The following NALF1 variants were observed in gnomAD, a reference collection of about 807,000 sequenced individuals.
The protein encoded by NALF1 is NALCN channel auxiliary factor 1, also known as family with sequence similarity 155 member A.
NALF1 carries 3 observed loss-of-function variants against 48.4 expected under a neutral mutation model. The observed-to-expected ratio is 0.06, with a 90% CI of 0.03 to 0.16. The LOEUF is 0.16. Among genes scored for constraint, NALF1 ranks in the 10% least tolerant of loss-of-function variants. NALF1 has a pLI of 1.00. For synonymous variants in NALF1, 262 were observed against 245.7 expected, an observed-to-expected ratio of 1.07 and a Z score of -0.62; for missense variants, 526 against 571.5, an observed-to-expected ratio of 0.92 and a Z score of 0.81.
chr13:107,229,889 T>G (rs908924604), intron 1 of NALF1, among the ~76,000 whole-genome samples: 12 of 152,146 alleles, frequency 7.9e-5, no homozygotes, highest in African/African-American at 2.9e-4. Flanking sequence ...CTGGATTCCA[T>G]AGGAAGCTTC....
intron 1 of NALF1, among the ~76,000 whole-genome samples, chr13:107,416,850 T>C (rs1486445378): frequency 6.6e-6 from 1 of 152,200 alleles, no homozygotes; most frequent in Non-Finnish European, 1.5e-5. Context: ...GACTGCTTTT[T>C]CTCTTGCTTG....
At chr13:107,758,011 T>G (rs78810017) in intron 1 of NALF1, among the ~76,000 whole-genome samples, 2,555 of 152,278 alleles carry the variant, frequency 0.017, 69 homozygotes, top group African/African-American at 0.058. Context: ...ATCTCTTTAT[T>G]TGGCTATTTC....
At position 107,808,392 on chromosome 13, in the gene NALF1, T is replaced by TA. The variant is rs199908500; in HGVS notation, c.915+57289dup. Among the ~76,000 whole-genome samples the TA allele has an allele frequency of 6.8e-3, 1,041 of 152,220 alleles. 17 individuals are homozygous for TA. The highest frequency in any genetic ancestry group is 0.024 in the African/African-American group (979 of 41,550). On this transcript the variant is annotated intron_variant, in intron 1 of 2. Transcript: ENST00000375915. ...ATCTATCTTTTTCCCCTAGAGAATA[T>TA]AAATTTCACTTAGTTTTTTGCACAT...
rs550823449 is a variant in NALF1 at position 107,254,827 on chromosome 13, A to G, written c.916-44072T>C. 2.5e-4 allele frequency among the ~76,000 whole-genome samples: 38 copies of G among 152,280 alleles called. No individual in the cohort carries two copies. In the South Asian group the frequency reaches 7.9e-3, roughly 32 times the overall value. ...TCAGGCAAATGCTATAACTACAGCTATTGCTATTAGCCCATTGACTTACAG... is the reference window on the plus strand; with the variant it reads ...TCAGGCAAATGCTATAACTACAGCTGTTGCTATTAGCCCATTGACTTACAG... On this transcript the variant is annotated intron_variant, in intron 1 of 2. Coordinates refer to ENST00000375915, the MANE Select transcript of NALF1 (RefSeq NM_001080396.3).
At chr13:107,711,405 A>C (rs1875587887) in intron 1 of NALF1, among the ~76,000 whole-genome samples, 1 of 152,206 alleles carries the variant, frequency 6.6e-6, no homozygotes, top group African/African-American at 2.4e-5. Context: ...ACGCAATCTC[A>C]GCTCACAGCA....
intron 2 of NALF1, among the ~76,000 whole-genome samples, chr13:107,183,546 A>G (rs750429172): frequency 2.0e-5 from 3 of 152,206 alleles, no homozygotes; most frequent in Non-Finnish European, 4.4e-5. Flanking sequence ...ATGCACATGT[A>G]TGTTTATTGC....
chr13:107,670,116 G>A (rs1017392770), intron 1 of NALF1, among the ~76,000 whole-genome samples: 1 of 152,096 alleles, frequency 6.6e-6, no homozygotes, highest in African/African-American at 2.4e-5. Flanking sequence ...TAAAATTACT[G>A]AAAAGGTTAG....
At chr13:107,338,915 G>A (rs188332831) in intron 1 of NALF1, among the ~76,000 whole-genome samples, 221 of 152,076 alleles carry the variant, frequency 1.5e-3, no homozygotes, top group African/African-American at 4.8e-3. Context: ...GGCGGATCAC[G>A]AGGTCAGGAG....
intron 1 of NALF1, among the ~76,000 whole-genome samples, chr13:107,513,142 A>C: frequency 6.6e-6 from 1 of 152,162 alleles, no homozygotes; most frequent in East Asian, 1.9e-4. Context: ...ATAAGACAAC[A>C]TTTTTTTAGG....
At chr13:107,541,983 T>C (rs1475146120) in intron 1 of NALF1, among the ~76,000 whole-genome samples, 1 of 152,088 alleles carries the variant, frequency 6.6e-6, no homozygotes, top group Non-Finnish European at 1.5e-5. Context: ...TCAAGGTCTC[T>C]GTGGAGCCCT....
intron 1 of NALF1, among the ~76,000 whole-genome samples, chr13:107,283,645 TTTATTTATTTATTTAC>T (rs1158019360): frequency 1.6e-4 from 24 of 148,834 alleles, no homozygotes; most frequent in South Asian, 1.1e-3. Context: ...TATTTATTTA[TTTATTTATTTATTTAC>T]TATTTTTGTT....
chr13:107,567,022 G>A (rs1424433900), intron 1 of NALF1, among the ~76,000 whole-genome samples: 1 of 151,692 alleles, frequency 6.6e-6, no homozygotes, highest in Admixed American at 6.6e-5. Context: ...AAATTACAAA[G>A]GCATAAAAAT....
Position 107,169,159 on chromosome 13 carries a change from C to A in NALF1, c.*1338G>T, listed in dbSNP as rs896849307. The A allele has an allele frequency of 6.6e-6, 1 of 152,458 alleles. No individual in the cohort carries two copies. Among genetic ancestry groups the A allele is most frequent in the African/African-American group, 2.4e-5 (1 of 41,406 alleles). The allele number at this position is 152,458 out of a possible 1,614,324, so 9.4% of individuals were successfully genotyped here. ...TGATCAGACCTCTTTTCCTCAACTA[C>A]CTAGAGCATGTTAGAGTGATAAAGT... On this transcript the variant is annotated 3_prime_UTR_variant, in exon 3 of 3. Transcript: ENST00000375915.
chr13:107,414,620 G>A (rs1884052889), intron 1 of NALF1, among the ~76,000 whole-genome samples: 1 of 151,420 alleles, frequency 6.6e-6, no homozygotes. Context: ...GTTTTCTGGG[G>A]ATAAAATTAC....
At chr13:107,207,932 G>C (rs1879677986) in intron 2 of NALF1, among the ~76,000 whole-genome samples, 1 of 152,132 alleles carries the variant, frequency 6.6e-6, no homozygotes, top group Non-Finnish European at 1.5e-5. Flanking sequence ...TGGATTACAG[G>C]CATGAGCCAC....
At chr13:107,382,052 T>C (rs1034107487) in intron 1 of NALF1, among the ~76,000 whole-genome samples, 12 of 152,192 alleles carry the variant, frequency 7.9e-5, no homozygotes, top group African/African-American at 2.9e-4. Context: ...CTTTCTGCTT[T>C]TCACAATGGT....
chr13:107,613,415 T>C (rs537491030), intron 1 of NALF1, among the ~76,000 whole-genome samples: 1 of 152,300 alleles, frequency 6.6e-6, no homozygotes, highest in African/African-American at 2.4e-5. Context: ...TTCTTGAGGG[T>C]GCTGCAGACT....
chr13:107,456,893 G>A (rs1488931925), intron 1 of NALF1, among the ~76,000 whole-genome samples: 1 of 152,102 alleles, frequency 6.6e-6, no homozygotes, highest in South Asian at 2.1e-4. Flanking sequence ...GATTAGACAA[G>A]TTATCTATCA....
chr13:107,179,671 T>TAAAA (rs3071017), intron 2 of NALF1, among the ~76,000 whole-genome samples: 1,689 of 137,638 alleles, frequency 0.012, 37 homozygotes, highest in African/African-American at 0.043. Flanking sequence ...TTTTGAAAAC[T>TAAAA]AAAAAAAAAA....
Sources: gnomAD v4.1 joint callset for allele counts (sites outside exome capture counted in the v4.1 genomes callset) on GRCh38, gnomAD v4.1.1 for gene constraint, MANE v1.5 for transcripts, NCBI Gene and HGNC (gene_info 2026-07-23, HGNC 2026-07-21) for gene names.